The following SFXN2 variants were observed in gnomAD, a reference collection of about 807,000 sequenced individuals.
SFXN2 encodes sideroflexin 2.
A neutral mutation model predicts 41.9 loss-of-function variants in SFXN2; 37 were observed. The observed-to-expected ratio is 0.88, with a 90% CI of 0.68 to 1.16. SFXN2 has a LOEUF of 1.16. SFXN2 is among the 50% of genes most tolerant of loss of function. The pLI, the probability that SFXN2 is intolerant of heterozygous loss-of-function variation, is 0.00. For synonymous variants in SFXN2, 150 were observed against 156.7 expected, an observed-to-expected ratio of 0.96 and a Z score of 0.32; for missense variants, 386 against 425.2, an observed-to-expected ratio of 0.91 and a Z score of 0.81.
chr10:102,726,918 G>A (rs998339458), intron 2 of SFXN2, 69 bp from the exon 3 acceptor site: 190 of 1,580,458 alleles, frequency 1.2e-4, no homozygotes, highest in Non-Finnish European at 1.6e-4. Context: ...GCTGGAAGAA[G>A]TGAGAGTGGG....
At chr10:102,732,490 G>A (rs1454164887) in intron 8 of SFXN2, among the ~76,000 whole-genome samples, 1 of 152,238 alleles carries the variant, frequency 6.6e-6, no homozygotes, top group East Asian at 1.9e-4. Context: ...GCTAGGGAGA[G>A]TGATAGAGAA....
chr10:102,732,792 G>A (rs1008774670), intron 8 of SFXN2, 67 bp from the exon 9 acceptor site: 1 of 1,550,458 alleles, frequency 6.4e-7, no homozygotes. Context: ...TTCCTGGTCT[G>A]ACTTCAGAAG....
At chr10:102,718,993 G>A (rs755259352) in intron 1 of SFXN2, among the ~76,000 whole-genome samples, 192 of 140,710 alleles carry the variant, frequency 1.4e-3, no homozygotes, top group Non-Finnish European at 2.1e-3. Context: ...GCGCCATCTC[G>A]GCTCGCTGCA....
At chr10:102,737,512 G>T in intron 11 of SFXN2, 151 bp from the exon 12 acceptor site, 1 of 563,352 alleles carries the variant, frequency 1.8e-6, no homozygotes. Context: ...AGTCAGGCCT[G>T]CGTAATGGTA....
At chr10:102,720,801 G>A (rs535845036) in intron 1 of SFXN2, among the ~76,000 whole-genome samples, 1 of 152,036 alleles carries the variant, frequency 6.6e-6, no homozygotes, top group African/African-American at 2.4e-5. Context: ...CAAGACTCCC[G>A]GGATTCCCTC....
chr10:102,729,931 C>G, intron 6 of SFXN2, 123 bp downstream of exon 6: 1 of 1,037,100 alleles, frequency 9.6e-7, no homozygotes, highest in South Asian at 1.4e-5. Flanking sequence ...TGGGCTGAGC[C>G]TCTGAAGGGC....
intron 7 of SFXN2, 42 bp from the exon 8 acceptor site, chr10:102,732,110 T>G (rs2064713094): frequency 1.3e-6 from 2 of 1,582,650 alleles, no homozygotes; most frequent in Non-Finnish European, 1.7e-6. Context: ...ACATGTACAC[T>G]GGATACATCA....
At chr10:102,732,962 C>T in intron 9 of SFXN2, 54 bp downstream of exon 9, 1 of 1,588,248 alleles carries the variant, frequency 6.3e-7, no homozygotes, top group Non-Finnish European at 8.6e-7. Flanking sequence ...CCAGCCACAT[C>T]TGTCCCTAGG....
chr10:102,717,735 A>T (rs956904870), intron 1 of SFXN2: 2 of 985,138 alleles, frequency 2.0e-6, no homozygotes, highest in African/African-American at 3.5e-5. Context: ...AAGAGGTGAC[A>T]TCCTTGATGC....
Position 102,729,397 on chromosome 10 carries a change from A to G in SFXN2, c.507+3A>G. ...TGGGCATGAACATGTTGACAAAGGT[A>G]TGGTCTGGGGCCGCTGCAGCATGGT... is the stretch of plus-strand genomic sequence containing the variant. On this transcript the variant is annotated splice_donor_region_variant and intron_variant, in intron 5 of 11. Coordinates refer to ENST00000369893, the MANE Select transcript of SFXN2 (RefSeq NM_178858.6). 6.2e-7 allele frequency: 1 copy of G among 1,614,052 alleles called. No individual in the cohort carries two copies. The highest frequency in any genetic ancestry group is 8.5e-7 in the Non-Finnish European group (1 of 1,179,980).
intron 1 of SFXN2, among the ~76,000 whole-genome samples, chr10:102,724,016 T>G (rs2064551284): frequency 6.6e-6 from 1 of 152,162 alleles, no homozygotes; most frequent in Non-Finnish European, 1.5e-5. Flanking sequence ...TGGGGTCTGT[T>G]GCTCCCGTTT....
At chr10:102,718,583 C>T (rs1161951845) in intron 1 of SFXN2, among the ~76,000 whole-genome samples, 1 of 152,248 alleles carries the variant, frequency 6.6e-6, no homozygotes, top group African/African-American at 2.4e-5. Context: ...CTTCTGACTT[C>T]TCTGGAGATT....
chr10:102,720,081 A>C (rs1268098924), intron 1 of SFXN2, among the ~76,000 whole-genome samples: 1 of 152,074 alleles, frequency 6.6e-6, no homozygotes, highest in African/African-American at 2.4e-5. Flanking sequence ...TCACGAGGTC[A>C]GGAGATCGAG....
Position 102,741,055 on chromosome 10 carries a change from G to A in SFXN2, c.*3293G>A, listed in dbSNP as rs1842779249. Reference sequence around the variant, plus strand: ...AAGTGGTCACTCAAACTGCATCTCAGTCTCATTTTGTAACATCTCTCTTCT... The same window carrying A: ...AAGTGGTCACTCAAACTGCATCTCAATCTCATTTTGTAACATCTCTCTTCT... On this transcript the variant is annotated 3_prime_UTR_variant, in exon 12 of 12. Coordinates refer to ENST00000369893, the MANE Select transcript of SFXN2 (RefSeq NM_178858.6). The A allele has an allele frequency of 6.6e-6, 1 of 152,208 alleles. No individual in the cohort carries two copies. The highest frequency in any genetic ancestry group is 1.5e-5 in the Non-Finnish European group (1 of 68,046). 9.4% of individuals were successfully genotyped at this position (152,208 alleles called of 1,614,324 possible).
At position 102,729,355 on chromosome 10, in the gene SFXN2, T is replaced by TGCTGTGGCCACG; in HGVS notation, c.476_487dup (p.Ala159_Val162dup). 1 of 1,614,164 alleles carries TGCTGTGGCCACG rather than the reference T, an allele frequency of 6.2e-7. No individual in the cohort carries two copies. The highest frequency in any genetic ancestry group is 1.1e-5 in the South Asian group (1 of 91,086). The stretch of plus-strand genomic sequence containing the variant: ...TTTCCTACTTCACAGCCACAACCAC[T>TGCTGTGGCCACG]GCTGTGGCCACGGCTGTGGGCATGA... On this transcript the variant is annotated inframe_insertion, in exon 5 of 12. Coordinates refer to ENST00000369893, the MANE Select transcript of SFXN2 (RefSeq NM_178858.6).
intron 1 of SFXN2, among the ~76,000 whole-genome samples, chr10:102,719,071 C>T (rs1364584590): frequency 1.3e-5 from 2 of 151,744 alleles, no homozygotes; most frequent in East Asian, 3.9e-4. Flanking sequence ...TTACAGGCGC[C>T]TGCCACCACG....
intron 8 of SFXN2, 60 bp downstream of exon 8, chr10:102,732,278 C>A: frequency 6.7e-7 from 1 of 1,491,180 alleles, no homozygotes; most frequent in Non-Finnish European, 9.2e-7. Context: ...GAGGTCTCAG[C>A]CACACTCAGC....
chr10:102,717,371 G>A (rs761785880), intron 1 of SFXN2, among the ~76,000 whole-genome samples: 1 of 151,928 alleles, frequency 6.6e-6, no homozygotes, highest in Non-Finnish European at 1.5e-5. Context: ...CTCGTGATCC[G>A]TCCGCCTCGG....
chr10:102,731,567 T>A (rs1442283094), intron 6 of SFXN2, among the ~76,000 whole-genome samples, 156 bp from the exon 7 acceptor site: 2 of 152,124 alleles, frequency 1.3e-5, no homozygotes, highest in Admixed American at 1.3e-4. Flanking sequence ...CCTAAGATAC[T>A]GCTTATTGGA....
Sources: gnomAD v4.1 joint callset for allele counts (sites outside exome capture counted in the v4.1 genomes callset) on GRCh38, gnomAD v4.1.1 for gene constraint, MANE v1.5 for transcripts, NCBI Gene and HGNC (gene_info 2026-07-23, HGNC 2026-07-21) for gene names.